LAMA4: variants seen among roughly 807,000 people sequenced by gnomAD.
LAMA4 encodes laminin subunit alpha 4, also known as laminin subunit alpha-4.
A neutral mutation model predicts 207.1 loss-of-function variants in LAMA4; 127 were observed. That is an observed-to-expected ratio of 0.61 (90% CI 0.53 to 0.71). LAMA4 has a LOEUF of 0.71. LAMA4 is among the 30% of genes least tolerant of loss of function. The pLI is 0.00. For missense variants in LAMA4, 2,093 were observed against 2,246.5 expected (o/e 0.93, Z 1.38); for synonymous variants, 761 against 816.0 (o/e 0.93, Z 1.15).
At chr6:112,184,463 A>G (rs1782565523) in intron 9 of LAMA4, among the ~76,000 whole-genome samples, 1 of 152,126 alleles carries the variant, frequency 6.6e-6, no homozygotes, top group Admixed American at 6.6e-5. Context: ...AGCCTTTCAC[A>G]TTGACTCTGC....
chr6:112,153,194 A>T (rs1279986099), intron 16 of LAMA4, among the ~76,000 whole-genome samples: 6 of 152,138 alleles, frequency 3.9e-5, no homozygotes, highest in African/African-American at 1.4e-4. Context: ...AATAAAGATT[A>T]CTGATCATTG....
chr6:112,158,719 A>T lies in LAMA4; in HGVS notation c.1817+13T>A, dbSNP rs1314828300. 1.2e-6 allele frequency: 2 copies of T among 1,611,028 alleles called. No homozygotes were observed. The highest frequency in any genetic ancestry group is 2.7e-5 in the African/African-American group (2 of 74,830). On this transcript the variant is annotated intron_variant, in intron 14 of 38. Transcript: ENST00000230538. ...CCATGTAGATATTTGCATTTCTAAA[A>T]CCAGGATATTACCTGCTCAATTCAT... is the stretch of plus-strand genomic sequence containing the variant.
intron 3 of LAMA4, 37 bp from the exon 4 acceptor site, chr6:112,207,182 G>A (rs373850146): frequency 1.3e-5 from 21 of 1,612,274 alleles, no homozygotes; most frequent in Middle Eastern, 1.7e-4. Flanking sequence ...ACAAGGATGC[G>A]AAAGAAATTT....
chr6:112,184,535 T>C (rs1554346124), intron 9 of LAMA4, among the ~76,000 whole-genome samples: 1 of 152,218 alleles, frequency 6.6e-6, no homozygotes, highest in Non-Finnish European at 1.5e-5. Flanking sequence ...TTTTTCTCAA[T>C]ATTTTTCTCT....
At chr6:112,113,331 G>A (rs910276413) in intron 38 of LAMA4, among the ~76,000 whole-genome samples, 2 of 152,162 alleles carry the variant, frequency 1.3e-5, no homozygotes, top group Non-Finnish European at 1.5e-5. Context: ...TCCCCACCAA[G>A]TTCCAGCTGC....
At chr6:112,140,970 A>G (rs1554333048) in intron 21 of LAMA4, 48 bp from the exon 22 acceptor site, 2 of 1,525,042 alleles carry the variant, frequency 1.3e-6, no homozygotes, top group Admixed American at 1.7e-5. Flanking sequence ...TTCATAGAAA[A>G]TACTTTTTAA....
chr6:112,144,729 C>A (rs1779913881), intron 19 of LAMA4, 65 bp downstream of exon 19: 3 of 1,569,332 alleles, frequency 1.9e-6, no homozygotes, highest in Non-Finnish European at 2.6e-6. Flanking sequence ...GCTGCCCAAG[C>A]AGTTGGAGCT....
intron 31 of LAMA4, among the ~76,000 whole-genome samples, chr6:112,124,729 C>T (rs1453698073): frequency 6.6e-6 from 1 of 150,986 alleles, no homozygotes; most frequent in African/African-American, 2.4e-5. Context: ...AAGAAAAAGA[C>T]AGCAATGTGT....
Position 112,130,011 on chromosome 6 carries a change from A to G in LAMA4, c.3998T>C (p.Val1333Ala), listed in dbSNP as rs781873319. Residue 1333 changes from valine to alanine, a missense_variant, in exon 30 of 39, where the codon GTT becomes GCT. Transcript: ENST00000230538. The stretch of plus-strand genomic sequence containing the variant: ...CCCTTTGGTAGGATTCTTACTCCCA[A>G]CTCTGCTTTTATCTACTATCAGTTC... The part of the protein sequence containing the change: ...RYELIVDKSR[V>A]GSKNPTKGKI... 1.9e-6 allele frequency: 3 copies of G among 1,612,996 alleles called. No homozygotes were observed. Among genetic ancestry groups the G allele is most frequent in the African/African-American group, 1.3e-5 (1 of 74,870 alleles).
chr6:112,219,939 C>G (rs559568573), intron 2 of LAMA4, among the ~76,000 whole-genome samples: 1 of 152,260 alleles, frequency 6.6e-6, no homozygotes, highest in African/African-American at 2.4e-5. Flanking sequence ...TAGCTCTTAA[C>G]CATCTTGCGT....
At chr6:112,141,254 C>T (rs1429589671) in intron 21 of LAMA4, 104 bp downstream of exon 21, 20 of 1,111,394 alleles carry the variant, frequency 1.8e-5, no homozygotes, top group Non-Finnish European at 2.6e-5. Context: ...ATAACATCCA[C>T]AGGAAGACTG....
At chr6:112,254,353 C>G (rs1584038365) in intron 1 of LAMA4, 62 bp from the exon 2 acceptor site, 2 of 627,972 alleles carry the variant, frequency 3.2e-6, no homozygotes, top group Non-Finnish European at 5.6e-6. Context: ...CTCCCTCTCT[C>G]TCTCTCCCCT....
In LAMA4 at chr6:112,254,248, T is replaced by G; in HGVS notation, c.-98A>C. 2 of 1,496,350 alleles carry G rather than the reference T, an allele frequency of 1.3e-6. No individual in the cohort carries two copies. Among genetic ancestry groups the G allele is most frequent in the Non-Finnish European group, 1.8e-6 (2 of 1,086,624 alleles). 92.7% of individuals were successfully genotyped at this position (1,496,350 alleles called of 1,614,324 possible). On this transcript the variant is annotated 5_prime_UTR_variant, in exon 2 of 39. Coordinates refer to ENST00000230538, the MANE Select transcript of LAMA4 (RefSeq NM_001105206.3). Reference sequence around the variant, plus strand: ...GCGGCGGTGCCTCGCTTATTTTCCCTCCTCTCCGTGTGCAGTATCCCGAGG... The same window carrying G: ...GCGGCGGTGCCTCGCTTATTTTCCCGCCTCTCCGTGTGCAGTATCCCGAGG...
intron 10 of LAMA4, among the ~76,000 whole-genome samples, chr6:112,176,303 T>C (rs1782020636): frequency 6.6e-6 from 1 of 152,208 alleles, no homozygotes; most frequent in Non-Finnish European, 1.5e-5. Context: ...AAGGAAGGTA[T>C]GTAATTGTCA....
At chr6:112,193,649 A>G (rs115839348) in intron 5 of LAMA4, among the ~76,000 whole-genome samples, 2,216 of 152,174 alleles carry the variant, frequency 0.015, 60 homozygotes, top group African/African-American at 0.052. Flanking sequence ...CATCTATGTG[A>G]GTTTATTTAG....
rs375981026 is a variant in LAMA4, at chr6:112,172,742, C to A, written c.1420G>T (p.Val474Phe). 2 of 1,614,000 alleles carry A rather than the reference C, an allele frequency of 1.2e-6. No homozygotes were observed. The highest frequency in any genetic ancestry group is 1.7e-5 in the Admixed American group (1 of 60,006). Reference protein sequence around the residue: ...HNETRTLFPVVLEQLDDYNAK... With the variant: ...HNETRTLFPVFLEQLDDYNAK... ...TTGTAGTCATCCAGCTGCTCCAGGA[C>A]GACAGGAAACAGAGTGCGGGTCTCA... Residue 474 changes from valine (V) to phenylalanine (F), a missense_variant, in exon 12 of 39, where the codon GTC (valine) becomes TTC (phenylalanine). By Grantham distance (50) the Val-to-Phe change is conservative (BLOSUM62 -1). Transcript: ENST00000230538.
intron 19 of LAMA4, among the ~76,000 whole-genome samples, chr6:112,143,569 C>A (rs1554333832): frequency 6.6e-6 from 1 of 152,164 alleles, no homozygotes; most frequent in Non-Finnish European, 1.5e-5. Flanking sequence ...CAGGCATGAG[C>A]CACCGCACCC....
At chr6:112,177,136 C>T (rs1782070177) in intron 10 of LAMA4, among the ~76,000 whole-genome samples, 1 of 152,144 alleles carries the variant, frequency 6.6e-6, no homozygotes, top group African/African-American at 2.4e-5. Context: ...AATATTTTGT[C>T]AGGAAACTCA....
chr6:112,172,927 T>TCC, intron 11 of LAMA4, 123 bp from the exon 12 acceptor site: 1 of 737,532 alleles, frequency 1.4e-6, no homozygotes, highest in Non-Finnish European at 2.4e-6. Context: ...AGATTGAAGC[T>TCC]ATTGTTCACA....
Sources: gnomAD v4.1 joint callset for allele counts (sites outside exome capture counted in the v4.1 genomes callset) on GRCh38, gnomAD v4.1.1 for gene constraint, MANE v1.5 for transcripts, NCBI Gene and HGNC (gene_info 2026-07-23, HGNC 2026-07-21) for gene names.